The following DERPC variants were observed in gnomAD, a reference collection of about 807,000 sequenced individuals.
DERPC encodes decreased expression in renal and prostate cancer protein.
In DERPC, 1 loss-of-function variant was observed where a neutral mutation model predicts 7.2. The observed-to-expected ratio is 0.14, with a 90% CI of 0.05 to 0.66. The LOEUF (loss-of-function observed/expected upper bound fraction) is 0.66, where lower values mean the gene tolerates loss of function less well. Ranked by LOEUF, DERPC falls within the 30% of genes least tolerant of loss-of-function variation. The pLI is 0.84. For synonymous variants in DERPC, 185 were observed against 117.6 expected (o/e 1.57, Z -3.71); for missense variants, 502 against 299.4 (o/e 1.68, Z -4.99).
chr16:69,123,112 G>A (rs1161800980), intron 1 of DERPC, among the ~76,000 whole-genome samples: 2 of 152,142 alleles, frequency 1.3e-5, no homozygotes, highest in African/African-American at 2.4e-5. Context: ...CCAAGATGGA[G>A]TGAGCAAAAT....
intron 1 of DERPC, among the ~76,000 whole-genome samples, chr16:69,125,752 TGAA>T (rs1026522337): frequency 3.3e-5 from 5 of 152,358 alleles, no homozygotes; most frequent in Admixed American, 2.6e-4. Context: ...TAAGGTTTCT[TGAA>T]GAAGGATAAC....
rs1172555447 is a variant in DERPC at position 69,120,407 on chromosome 16, G to A, written c.22C>T (p.Pro8Ser). The change falls in exon 3 of 3, where the codon CCT (proline) becomes TCT (serine). Residue 8 changes from proline (P) to serine (S), a missense_variant. Physicochemically the swap from Pro to Ser is moderately conservative, Grantham distance 74. Coordinates refer to ENST00000519520, the MANE Select transcript of DERPC (RefSeq NM_001002847.4). This position sits in a 1 kb window ranked among gnomAD's most constrained non-coding sequence, Gnocchi z 4.0. Reference sequence around the variant, plus strand: ...GTCCAAGGAGTTGGCCGCTCTCTAGGGAAAATCCGAGGTTCTTTCATACTT... The same window carrying A: ...GTCCAAGGAGTTGGCCGCTCTCTAGAGAAAATCCGAGGTTCTTTCATACTT... Reference protein sequence around the residue: MKEPRIFPRERPTPWTRA... With the variant: MKEPRIFSRERPTPWTRA... 1.9e-6 allele frequency: 3 copies of A among 1,613,288 alleles called. No homozygotes were observed. Among genetic ancestry groups the A allele is most frequent in the Non-Finnish European group, 2.5e-6 (3 of 1,179,258 alleles).
intron 1 of DERPC, among the ~76,000 whole-genome samples, chr16:69,122,890 G>A (rs1282866606): frequency 6.6e-6 from 1 of 151,908 alleles, no homozygotes; most frequent in Non-Finnish European, 1.5e-5. Context: ...TGTTAGCCAG[G>A]CTGGTCTCAA....
At chr16:69,122,810 G>A (rs1035834307) in intron 1 of DERPC, among the ~76,000 whole-genome samples, 68 of 151,968 alleles carry the variant, frequency 4.5e-4, no homozygotes, top group African/African-American at 1.6e-3. Context: ...CCAAAGTGCT[G>A]GGATTACAGG....
chr16:69,123,934 A>AAC (rs1280718759), intron 1 of DERPC, among the ~76,000 whole-genome samples: 6 of 137,100 alleles, frequency 4.4e-5, no homozygotes, highest in African/African-American at 1.5e-4. Flanking sequence ...CTAAAAAAAA[A>AAC]AAAAAAAAAA....
rs1370894970 is a variant in DERPC, at chr16:69,120,164, C to T, written c.265G>A (p.Gly89Ser). 1 of 701,518 alleles carries T rather than the reference C, an allele frequency of 1.4e-6. No individual in the cohort carries two copies. The highest frequency in any genetic ancestry group is 2.6e-6 in the Non-Finnish European group (1 of 385,090). The allele number at this position is 701,518 out of a possible 1,614,324, so 43.5% of individuals were successfully genotyped here. ...LASNPAPFPA[G>S]ARDPSMASFP... ...GAAGCCATACTTGGGTCACGAGCAC[C>T]AGCCGGGAAAGGTGCTGGATTTGAA... The change falls in exon 3 of 3, where the codon GGT becomes AGT. Residue 89 changes from glycine to serine, a missense_variant. Transcript: ENST00000519520. This position sits in a 1 kb window ranked among gnomAD's most constrained non-coding sequence, Gnocchi z 4.0.
chr16:69,121,580 C>A, intron 1 of DERPC, 87 bp from the exon 2 acceptor site: 1 of 745,810 alleles, frequency 1.3e-6, no homozygotes, highest in Non-Finnish European at 2.2e-6. Context: ...CGGGTTCAAT[C>A]GATTCTCCTG....
rs114487285 is a variant in DERPC, at chr16:69,128,712, A to T, written c.-280+3772T>A. 7.6e-3 allele frequency among the ~76,000 whole-genome samples: 1,161 copies of T among 152,262 alleles called. 17 individuals are homozygous for T. Among genetic ancestry groups the T allele is most frequent in the African/African-American group, 0.025 (1,045 of 41,538 alleles). On this transcript the variant is annotated intron_variant, in intron 1 of 2. Transcript: ENST00000519520. ...TTTGGCTGTAATCAGACCACTCTAG[A>T]ATATACCTTATTTAACCAGCATTTG... is the stretch of plus-strand genomic sequence containing the variant.
At position 69,119,711 on chromosome 16, in the gene DERPC, G is replaced by A. The variant is rs1220367151; in HGVS notation, c.718C>T (p.Pro240Ser). 1.3e-5 allele frequency: 9 copies of A among 684,566 alleles called. No individual in the cohort carries two copies. The highest frequency in any genetic ancestry group is 2.1e-5 in the Admixed American group (1 of 48,310). The allele number at this position is 684,566 out of a possible 1,614,324, so 42.4% of individuals were successfully genotyped here. ...TTAGGGCCTGGGCCCAGGCCACTTG[G>A]TCTTGGGTTGGGCCCAAGGCCTGGG... ...PGPGLGPNPR[P>S]SGLGPGPNLD... Residue 240 changes from proline (P) to serine (S), a missense_variant, in exon 3 of 3, where the codon CCA becomes TCA. Coordinates refer to ENST00000519520, the MANE Select transcript of DERPC (RefSeq NM_001002847.4).
Position 69,121,502 on chromosome 16 carries a change from A to AG in DERPC, c.-279-10dup, listed in dbSNP as rs746447798. ...AAGCAAGTGAAAACAAGCTGTAGAG[A>AG]GAAAAAAAGAGATTTAGGGTAATAA... is the stretch of plus-strand genomic sequence containing the variant. On this transcript the variant is annotated splice_polypyrimidine_tract_variant and intron_variant, in intron 1 of 2. Transcript: ENST00000519520. The AG allele has an allele frequency of 6.5e-7, 1 of 1,530,338 alleles. No individual in the cohort carries two copies. The highest frequency in any genetic ancestry group is 1.2e-5 in the South Asian group (1 of 84,670). The allele number at this position is 1,530,338 out of a possible 1,614,324, so 94.8% of individuals were successfully genotyped here.
intron 1 of DERPC, among the ~76,000 whole-genome samples, chr16:69,127,808 C>A (rs1465267937): frequency 1.3e-5 from 2 of 151,986 alleles, no homozygotes; most frequent in Non-Finnish European, 2.9e-5. Flanking sequence ...CAGGGTTTCA[C>A]CATCTTGGCC....
At position 69,120,616 on chromosome 16, in the gene DERPC, G is replaced by C. The variant is rs1314625881; in HGVS notation, c.-188C>G. 1 of 1,613,172 alleles carries C rather than the reference G, an allele frequency of 6.2e-7. No individual in the cohort carries two copies. The highest frequency in any genetic ancestry group is 8.5e-7 in the Non-Finnish European group (1 of 1,179,194). Reference sequence around the variant, plus strand: ...TCCAGGTGGATGATTTTCCCATACAGGATATGATGCCCCACGATCAGCACA... The same window carrying C: ...TCCAGGTGGATGATTTTCCCATACACGATATGATGCCCCACGATCAGCACA... On this transcript the variant is annotated 5_prime_UTR_variant, in exon 3 of 3. Coordinates refer to ENST00000519520, the MANE Select transcript of DERPC (RefSeq NM_001002847.4). The surrounding 1 kb of genome is among the most constrained non-coding windows in gnomAD (Gnocchi z 4.0).
rs2152264707 is a variant in DERPC, at chr16:69,119,181, G to A, written c.1248C>T (p.Ala416=). 1.4e-6 allele frequency: 1 copy of A among 703,034 alleles called. No individual in the cohort carries two copies. Among genetic ancestry groups the A allele is most frequent in the South Asian group, 1.5e-5 (1 of 67,566 alleles). 43.5% of individuals were successfully genotyped at this position (703,034 alleles called of 1,614,324 possible). ...TTGGACTTGGACCCTGCAGGCCAGT[G>A]GCCCTTGGGAAGTTAGCTGGGTTGG... ...LGPNPANFPR[A]TGLQGPSPTT... Residue 416 remains alanine, a synonymous_variant, in exon 3 of 3, where the codon GCC becomes GCT. Coordinates refer to ENST00000519520, the MANE Select transcript of DERPC (RefSeq NM_001002847.4).
chr16:69,123,925 T>TTA (rs1961864978), intron 1 of DERPC, among the ~76,000 whole-genome samples: 2 of 76,964 alleles, frequency 2.6e-5, no homozygotes, highest in African/African-American at 9.8e-5. Context: ...CCATCTCTAC[T>TTA]AAAAAAAAAA....
chr16:69,130,495 C>T (rs1962419288), intron 1 of DERPC, among the ~76,000 whole-genome samples: 1 of 152,086 alleles, frequency 6.6e-6, no homozygotes, highest in Admixed American at 6.5e-5. Context: ...ACTTTGTTTA[C>T]GAATATAGTG....
rs1961512260 is a variant in DERPC, at chr16:69,120,060, T to G, written c.369A>C (p.Pro123=). 4.3e-6 allele frequency: 3 copies of G among 689,786 alleles called. No homozygotes were observed. The highest frequency in any genetic ancestry group is 1.8e-5 in the African/African-American group (1 of 56,106). The allele number at this position is 689,786 out of a possible 1,614,324, so 42.7% of individuals were successfully genotyped here. Residue 123 remains proline, a synonymous_variant, in exon 3 of 3, where the codon CCA becomes CCC. Transcript: ENST00000519520. This position sits in a 1 kb window ranked among gnomAD's most constrained non-coding sequence, Gnocchi z 4.0. ...PRPGGLLGPG[P]GPGPTLNPRT... ...TAGGGTTTAGGGTGGGGCCTGGGCC[T>G]GGGCCTGGCCCCAAGAGGCCACCAG... is the stretch of plus-strand genomic sequence containing the variant.
At chr16:69,131,784 A>C (rs1052640639) in intron 1 of DERPC, among the ~76,000 whole-genome samples, 4 of 150,940 alleles carry the variant, frequency 2.7e-5, no homozygotes, top group African/African-American at 9.8e-5. Flanking sequence ...TCGTTCTCCA[A>C]ATTGTTCCCG....
chr16:69,130,731 G>A (rs923571331), intron 1 of DERPC, among the ~76,000 whole-genome samples: 1 of 152,164 alleles, frequency 6.6e-6, no homozygotes, highest in East Asian at 1.9e-4. Context: ...GAGAAAGGTG[G>A]CATTTTCTTA....
intron 1 of DERPC, among the ~76,000 whole-genome samples, chr16:69,131,835 GTC>G (rs1962548527): frequency 6.6e-6 from 1 of 150,740 alleles, no homozygotes; most frequent in South Asian, 2.1e-4. Context: ...CACCCCACTC[GTC>G]TCTCGGCTTC....
Sources: gnomAD v4.1 joint callset for allele counts (sites outside exome capture counted in the v4.1 genomes callset) on GRCh38, gnomAD v4.1.1 for gene constraint, Gnocchi (gnomAD v3.1) non-coding constraint, MANE v1.5 for transcripts, NCBI Gene and HGNC (gene_info 2026-07-23, HGNC 2026-07-21) for gene names.